The following KLHL1 variants were observed in gnomAD, a reference collection of about 807,000 sequenced individuals.
KLHL1 encodes kelch-like protein 1.
A neutral mutation model predicts 77.7 loss-of-function variants in KLHL1; 47 were observed. The ratio of observed to expected loss-of-function variants is 0.60; its 90% CI spans 0.48 to 0.77. KLHL1 has a LOEUF of 0.77. Among genes scored for constraint, KLHL1 ranks in the 30% least tolerant of loss-of-function variants. KLHL1 has a pLI of 0.00. For synonymous variants in KLHL1, 360 were observed against 325.2 expected (o/e 1.11, Z -1.15); for missense variants, 925 against 910.8 (o/e 1.02, Z -0.20).
In KLHL1 at chr13:69,898,017, T is replaced by C. The variant is rs557837449; in HGVS notation, c.1015-15522A>G. On this transcript the variant is annotated intron_variant, in intron 4 of 10. Coordinates refer to ENST00000377844, the MANE Select transcript of KLHL1 (RefSeq NM_020866.3). ...GTAGTCATGGTCAAATCAGCAAAGA[T>C]TGACCGGTAGAAAGTGCAGCAAAGA... is the stretch of plus-strand genomic sequence containing the variant. Among the ~76,000 whole-genome samples, 7 of 152,324 alleles carry C rather than the reference T, an allele frequency of 4.6e-5. No individual in the cohort carries two copies. The South Asian group carries it at 1.2e-3, about 27-fold the overall frequency.
chr13:69,858,276 G>A (rs934926426), intron 5 of KLHL1, among the ~76,000 whole-genome samples: 1 of 152,064 alleles, frequency 6.6e-6, no homozygotes, highest in Non-Finnish European at 1.5e-5. Flanking sequence ...GAGAAAGACT[G>A]GGGGTTGGGT....
chr13:69,859,604 T>C (rs111254002), intron 5 of KLHL1, among the ~76,000 whole-genome samples: 12 of 152,198 alleles, frequency 7.9e-5, no homozygotes, highest in African/African-American at 2.9e-4. Flanking sequence ...CAGGTTGCAA[T>C]GTGAATGAAT....
intron 6 of KLHL1, among the ~76,000 whole-genome samples, chr13:69,803,309 C>G (rs1593846763): frequency 1.3e-5 from 2 of 149,052 alleles, no homozygotes; most frequent in South Asian, 4.2e-4. Flanking sequence ...ATAATAAAAA[C>G]AAATTACAGA....
At chr13:69,983,909 G>GACAAAGGC (rs111271131) in intron 1 of KLHL1, among the ~76,000 whole-genome samples, 145,941 of 151,978 alleles carry the variant, frequency 0.96, 70,457 homozygotes, top group Non-Finnish European at 0.99. Context: ...GCTGATTTTT[G>GACAAAGGC]ACAAAGATCC....
chr13:69,822,718 G>C (rs1315859809), intron 6 of KLHL1, among the ~76,000 whole-genome samples: 1 of 152,004 alleles, frequency 6.6e-6, no homozygotes. Context: ...ATTAAGAATA[G>C]TATAATATTT....
intron 4 of KLHL1, among the ~76,000 whole-genome samples, chr13:69,939,378 T>TGTACAC (rs1555283224): frequency 1.4e-5 from 1 of 70,822 alleles, no homozygotes. Context: ...TATATATATA[T>TGTACAC]ACACACACAC....
At chr13:69,872,782 G>A (rs1049844623) in intron 5 of KLHL1, among the ~76,000 whole-genome samples, 1 of 152,106 alleles carries the variant, frequency 6.6e-6, no homozygotes, top group African/African-American at 2.4e-5. Context: ...GAGGGGCAAG[G>A]CTCTTTTTAA....
At chr13:69,999,903 G>A (rs1291590021) in intron 1 of KLHL1, among the ~76,000 whole-genome samples, 2 of 151,926 alleles carry the variant, frequency 1.3e-5, no homozygotes, top group Admixed American at 6.6e-5. Flanking sequence ...TAATATAGTC[G>A]GGATGTTTGT....
At chr13:69,748,244 C>T (rs566841001) in intron 7 of KLHL1, among the ~76,000 whole-genome samples, 17 of 152,042 alleles carry the variant, frequency 1.1e-4, no homozygotes, top group South Asian at 6.2e-4. Context: ...CCACTGTTGC[C>T]GCTTGTATCA....
At chr13:69,817,151 C>T (rs1865317573) in intron 6 of KLHL1, among the ~76,000 whole-genome samples, 2 of 152,108 alleles carry the variant, frequency 1.3e-5, no homozygotes, top group South Asian at 4.2e-4. Flanking sequence ...CAAAAATAAG[C>T]AAGCCCTTGT....
intron 4 of KLHL1, among the ~76,000 whole-genome samples, chr13:69,930,758 G>A (rs184019095): frequency 6.6e-6 from 1 of 151,832 alleles, no homozygotes; most frequent in East Asian, 1.9e-4. Flanking sequence ...TGTGGAAAGT[G>A]TGGATTTTTA....
At chr13:70,032,263 C>A (rs75266678) in intron 1 of KLHL1, among the ~76,000 whole-genome samples, 1 of 152,058 alleles carries the variant, frequency 6.6e-6, no homozygotes, top group Non-Finnish European at 1.5e-5. Context: ...TGTGACAATG[C>A]GCAAAACACA....
intron 4 of KLHL1, among the ~76,000 whole-genome samples, chr13:69,890,503 T>C (rs1440238720): frequency 6.6e-6 from 1 of 152,066 alleles, no homozygotes. Context: ...CACTGCTGAA[T>C]AGCTCTATTA....
At chr13:69,726,699 T>C (rs1416619553) in intron 8 of KLHL1, among the ~76,000 whole-genome samples, 1 of 152,182 alleles carries the variant, frequency 6.6e-6, no homozygotes, top group Non-Finnish European at 1.5e-5. Context: ...CAATTCATCA[T>C]GTATCCAAAC....
chr13:70,034,273 G>T (rs915062601), intron 1 of KLHL1, among the ~76,000 whole-genome samples: 1 of 152,144 alleles, frequency 6.6e-6, no homozygotes, highest in Non-Finnish European at 1.5e-5. Context: ...TCACACAACT[G>T]ACGAATTTTG....
intron 5 of KLHL1, among the ~76,000 whole-genome samples, chr13:69,843,812 T>A (rs76837640): frequency 6.6e-6 from 1 of 150,730 alleles, no homozygotes; most frequent in Non-Finnish European, 1.5e-5. Context: ...TAGCTTAGAC[T>A]TTTTTTTTAT....
intron 9 of KLHL1, among the ~76,000 whole-genome samples, chr13:69,714,415 G>T (rs1461468668): frequency 1.3e-5 from 2 of 151,968 alleles, no homozygotes; most frequent in Non-Finnish European, 2.9e-5. Context: ...GCAGAACATG[G>T]ATTATACCCA....
At chr13:69,777,961 A>C (rs1031973254) in intron 7 of KLHL1, among the ~76,000 whole-genome samples, 2 of 152,046 alleles carry the variant, frequency 1.3e-5, no homozygotes, top group Non-Finnish European at 2.9e-5. Context: ...CCTCATTTTT[A>C]ACTTGACTAC....
At chr13:70,067,742 C>T (rs17086326) in intron 1 of KLHL1, among the ~76,000 whole-genome samples, 3,510 of 152,250 alleles carry the variant, frequency 0.023, 128 homozygotes, top group African/African-American at 0.077. Context: ...TTTCTAAGAG[C>T]TGCTGGAATC....
Sources: gnomAD v4.1 joint callset for allele counts (sites outside exome capture counted in the v4.1 genomes callset) on GRCh38, gnomAD v4.1.1 for gene constraint, MANE v1.5 for transcripts, NCBI Gene and HGNC (gene_info 2026-07-23, HGNC 2026-07-21) for gene names.